The following FAM20B variants were observed in gnomAD, a reference collection of about 807,000 sequenced individuals.
FAM20B encodes glycosaminoglycan xylosylkinase.
Under a neutral mutation model 43.8 loss-of-function variants are expected in FAM20B, and 23 were observed. The observed-to-expected ratio is 0.53, with a 90% CI of 0.38 to 0.74. The LOEUF is 0.74. FAM20B is among the 30% of genes least tolerant of loss of function. The pLI is 0.00. For missense variants in FAM20B, 440 were observed against 510.5 expected (o/e 0.86, Z 1.33); for synonymous variants, 178 against 192.4 (o/e 0.93, Z 0.62).
At chr1:179,059,708 A>T (rs911551472) in intron 4 of FAM20B, among the ~76,000 whole-genome samples, 1 of 152,216 alleles carries the variant, frequency 6.6e-6, no homozygotes, top group African/African-American at 2.4e-5. Flanking sequence ...GCGGTGGCTG[A>T]CGCCTGTAAC....
Position 179,072,124 on chromosome 1 carries a change from A to T in FAM20B, c.1210A>T (p.Met404Leu), listed in dbSNP as rs949624678. 2 of 1,612,888 alleles carry T rather than the reference A, an allele frequency of 1.2e-6. No homozygotes were observed. The highest frequency in any genetic ancestry group is 1.3e-5 in the African/African-American group (1 of 75,010). Residue 404 changes from methionine to leucine, a missense_variant, in exon 8 of 8, where the codon ATG (methionine) becomes TTG (leucine). Physicochemically the swap from Met to Leu is conservative, Grantham distance 15. Transcript: ENST00000263733. Reference protein sequence around the residue: ...GMDTVLVEDRMPLSHL With the variant: ...GMDTVLVEDRLPLSHL ...GGACACAGTACTGGTGGAAGACAGG[A>T]TGCCTCTCTCACACTTGTAATTCTC... is the stretch of plus-strand genomic sequence containing the variant.
At chr1:179,018,434 G>A in the FAM20B span, among the ~76,000 whole-genome samples, 2 of 152,022 alleles carry the variant, frequency 1.3e-5, no homozygotes, top group African/African-American at 4.8e-5. Flanking sequence ...AGCCTCCCGA[G>A]TAGCTGGGAT....
chr1:179,070,566 C>T (rs1295673461), intron 7 of FAM20B, among the ~76,000 whole-genome samples: 8 of 137,676 alleles, frequency 5.8e-5, no homozygotes, highest in Non-Finnish European at 1.2e-4. Flanking sequence ...GCTCTTTTGC[C>T]CAGGCTGGAG....
At chr1:179,061,792 C>G (rs2102518773) in intron 4 of FAM20B, among the ~76,000 whole-genome samples, 1 of 152,260 alleles carries the variant, frequency 6.6e-6, no homozygotes, top group Admixed American at 6.5e-5. Flanking sequence ...TCCCCTGCCT[C>G]CACACATTCA....
upstream of FAM20B, among the ~76,000 whole-genome samples, chr1:179,024,856 C>T (rs922693916): frequency 2.3e-4 from 35 of 152,184 alleles, no homozygotes; most frequent in African/African-American, 8.2e-4. Flanking sequence ...TTATTAACTC[C>T]CATTTTCCAG....
rs1024965514 is a variant in FAM20B, at chr1:179,044,005, C to T, written c.158C>T (p.Ala53Val). The T allele has an allele frequency of 5.6e-6, 9 of 1,614,150 alleles. No homozygotes were observed. Among genetic ancestry groups the T allele is most frequent in the South Asian group, 2.2e-5 (2 of 91,078 alleles). The change falls in exon 2 of 8, where the codon GCA becomes GTA. Residue 53 changes from alanine to valine, a missense_variant. Transcript: ENST00000263733. ...RMMTGLRVEL[A>V]PKLDHTLQSP... is the part of the protein sequence containing the mutation. ...ATGACTGGCTTGCGGGTGGAGCTGG[C>T]ACCCAAGCTGGACCATACCTTGCAG...
chr1:179,028,306 G>A (rs916112305), intron 1 of FAM20B, among the ~76,000 whole-genome samples: 21 of 152,200 alleles, frequency 1.4e-4, no homozygotes, highest in South Asian at 6.2e-4. Flanking sequence ...ACAGTTGGTC[G>A]GGCGCGGTGG....
At chr1:179,043,619 C>A in intron 1 of FAM20B, 96 bp from the exon 2 acceptor site, 1 of 452,264 alleles carries the variant, frequency 2.2e-6, no homozygotes, top group Non-Finnish European at 3.9e-6. Context: ...AATAGAAAGC[C>A]TAAAAGGGTG....
intron 7 of FAM20B, among the ~76,000 whole-genome samples, chr1:179,070,782 G>C (rs1261579981): frequency 6.6e-6 from 1 of 151,494 alleles, no homozygotes; most frequent in Non-Finnish European, 1.5e-5. Flanking sequence ...GCCTCCCAAA[G>C]TGTTGGGATT....
the FAM20B span, among the ~76,000 whole-genome samples, chr1:179,020,152 TATACACAC>T: frequency 1.8e-5 from 2 of 112,430 alleles, no homozygotes; most frequent in East Asian, 2.6e-4. Flanking sequence ...TATGTGTGTG[TATACACAC>T]ACACACACAC....
Position 179,051,501 on chromosome 1 carries a change from C to G in FAM20B, c.464+1136C>G, listed in dbSNP as rs1026190999. Among the ~76,000 whole-genome samples the G allele has an allele frequency of 6.3e-4, 95 of 151,968 alleles. 1 individual carries two copies. Among genetic ancestry groups the G allele is most frequent in the Non-Finnish European group, 4.4e-5 (3 of 67,982 alleles). The stretch of plus-strand genomic sequence containing the variant: ...AATTAGCTGAGTGTGGTGGCGTGTG[C>G]CTATAGTTCCAACTAGTGGGGAGGC... On this transcript the variant is annotated intron_variant, in intron 3 of 7. Coordinates refer to ENST00000263733, the MANE Select transcript of FAM20B (RefSeq NM_014864.4).
At chr1:179,050,181 A>C (rs1181084851) in intron 2 of FAM20B, 98 bp from the exon 3 acceptor site, 5 of 782,962 alleles carry the variant, frequency 6.4e-6, no homozygotes, top group Non-Finnish European at 2.2e-6. Flanking sequence ...TGACTATAGC[A>C]GAATCAGGCT....
At chr1:179,052,222 T>C (rs1352357473) in intron 3 of FAM20B, among the ~76,000 whole-genome samples, 1 of 152,212 alleles carries the variant, frequency 6.6e-6, no homozygotes, top group African/African-American at 2.4e-5. Flanking sequence ...TACAAACATA[T>C]GTATGTTAAA....
In FAM20B at chr1:179,036,420, G is replaced by A. The variant is rs187636203; in HGVS notation, c.-133-7295G>A. ...AACAGAAACATTAAAATAAATGACC[G>A]TAATATAACTGGACATTGTTGCACT... is the stretch of plus-strand genomic sequence containing the variant. On this transcript the variant is annotated intron_variant, in intron 1 of 7. Coordinates refer to ENST00000263733, the MANE Select transcript of FAM20B (RefSeq NM_014864.4). Among the ~76,000 whole-genome samples, 9 of 152,280 alleles carry A rather than the reference G, an allele frequency of 5.9e-5. No individual in the cohort carries two copies. In the East Asian group the frequency reaches 1.4e-3, roughly 23 times the overall value.
chr1:179,035,590 G>A (rs886541455), intron 1 of FAM20B: 30 of 569,010 alleles, frequency 5.3e-5, no homozygotes, highest in Middle Eastern at 5.2e-4. Context: ...TTCATGCAGC[G>A]AATGGCTGCA....
intron 2 of FAM20B, among the ~76,000 whole-genome samples, chr1:179,046,920 C>T (rs1037972955): frequency 3.0e-4 from 45 of 151,200 alleles, no homozygotes; most frequent in African/African-American, 1.1e-3. Flanking sequence ...CGCTTGAACC[C>T]GGAGGCGGAG....
intron 1 of FAM20B, among the ~76,000 whole-genome samples, chr1:179,040,328 A>C (rs998929166): frequency 6.6e-6 from 1 of 151,314 alleles, no homozygotes; most frequent in Non-Finnish European, 1.5e-5. Context: ...GGCGCCCCTC[A>C]CCTCCTGGAC....
Position 179,071,835 on chromosome 1 carries a change from T to C in FAM20B, c.999-78T>C, listed in dbSNP as rs541255607. 1.3e-4 allele frequency: 130 copies of C among 976,536 alleles called. 1 individual carries two copies. The South Asian group carries it at 1.8e-3, about 14-fold the overall frequency. 60.5% of individuals were successfully genotyped at this position (976,536 alleles called of 1,614,324 possible). On this transcript the variant is annotated intron_variant, in intron 7 of 7. Transcript: ENST00000263733. ...ATTTTACCTAATTATTTTTTCACTTTTGTCTGCCTAGCAGGCTTTCAACTC... is the reference window on the plus strand; with the variant it reads ...ATTTTACCTAATTATTTTTTCACTTCTGTCTGCCTAGCAGGCTTTCAACTC...
Position 179,043,967 on chromosome 1 carries a change from C to T in FAM20B, c.120C>T (p.Ala40=). 1 of 1,614,150 alleles carries T rather than the reference C, an allele frequency of 6.2e-7. No homozygotes were observed. Among genetic ancestry groups the T allele is most frequent in the Non-Finnish European group, 8.5e-7 (1 of 1,180,014 alleles). Residue 40 remains alanine, a synonymous_variant, in exon 2 of 8, where the codon GCC becomes GCT. Transcript: ENST00000263733. ...TSAANREDQR[A]FHRMMTGLRV... ...CTGCCAACCGGGAGGACCAGAGGGC[C>T]TTTCACCGAATGATGACTGGCTTGC...
Sources: gnomAD v4.1 joint callset for allele counts (sites outside exome capture counted in the v4.1 genomes callset) on GRCh38, gnomAD v4.1.1 for gene constraint, MANE v1.5 for transcripts, NCBI Gene and HGNC (gene_info 2026-07-23, HGNC 2026-07-21) for gene names.